The following KLHL29 variants were observed in gnomAD, a reference collection of about 807,000 sequenced individuals.
KLHL29 encodes the protein kelch like family member 29.
Under a neutral mutation model 80.4 loss-of-function variants are expected in KLHL29, and 21 were observed. The ratio of observed to expected loss-of-function variants is 0.26; its 90% confidence interval spans 0.19 to 0.38. The LOEUF (loss-of-function observed/expected upper bound fraction) is 0.38, where lower values mean the gene tolerates loss of function less well. Among genes scored for constraint, KLHL29 ranks in the 10% least tolerant of loss-of-function variants. The pLI is 1.00. For synonymous variants in KLHL29, 511 were observed against 526.8 expected (o/e 0.97, Z 0.41); for missense variants, 867 against 1,223.9 (o/e 0.71, Z 4.35).
chr2:23,461,063 C>T (rs1409072892), intron 1 of KLHL29, among the ~76,000 whole-genome samples: 1 of 152,218 alleles, frequency 6.6e-6, no homozygotes, highest in Admixed American at 6.5e-5. Context: ...GTCCCGGTGG[C>T]TGACAAAATC....
chr2:23,690,684 C>T (rs982123737), intron 6 of KLHL29: 2 of 152,256 alleles, frequency 1.3e-5, no homozygotes, highest in African/African-American at 4.8e-5. Context: ...GGGGCCGCCT[C>T]CGGACTCCTA....
At chr2:23,413,596 C>G (rs1195356024) in intron 1 of KLHL29, among the ~76,000 whole-genome samples, 1 of 152,196 alleles carries the variant, frequency 6.6e-6, no homozygotes, top group Non-Finnish European at 1.5e-5. Context: ...GTCTCCACCC[C>G]TGGGGAGAGA....
intron 2 of KLHL29, among the ~76,000 whole-genome samples, chr2:23,496,524 C>G (rs1665269922): frequency 6.6e-6 from 1 of 152,150 alleles, no homozygotes; most frequent in Non-Finnish European, 1.5e-5. Flanking sequence ...TATGTTTTCC[C>G]CCAAAAAGGG....
At chr2:23,573,055 A>T (rs899021095) in intron 3 of KLHL29, among the ~76,000 whole-genome samples, 1 of 46 alleles carries the variant, frequency 0.022, no homozygotes, top group Admixed American at 0.12. Flanking sequence ...GTGAGCTAGC[A>T]TGAAGCCTCA....
At chr2:23,663,444 C>T (rs925342968) in intron 5 of KLHL29, among the ~76,000 whole-genome samples, 2 of 152,188 alleles carry the variant, frequency 1.3e-5, no homozygotes, top group Admixed American at 1.3e-4. Context: ...TCACGTGTGC[C>T]GGGGAGGGGA....
intron 3 of KLHL29, among the ~76,000 whole-genome samples, chr2:23,577,331 A>T (rs1667868685): frequency 1.3e-5 from 2 of 152,056 alleles, no homozygotes; most frequent in Admixed American, 6.5e-5. Context: ...TGAGTCTTTA[A>T]TCTCAGCTGC....
chr2:23,486,326 G>A (rs2103445280), intron 2 of KLHL29, among the ~76,000 whole-genome samples: 1 of 152,160 alleles, frequency 6.6e-6, no homozygotes, highest in South Asian at 2.1e-4. Context: ...AACCTGGACA[G>A]TGATGAATGG....
chr2:23,668,090 C>T (rs1670604397), intron 5 of KLHL29: 1 of 152,550 alleles, frequency 6.6e-6, no homozygotes, highest in Admixed American at 6.5e-5. Flanking sequence ...CTCCATCGTC[C>T]CGCACCCAGC....
chr2:23,509,561 G>GA (rs141767251), intron 2 of KLHL29, among the ~76,000 whole-genome samples: 5,314 of 149,944 alleles, frequency 0.035, 266 homozygotes, highest in African/African-American at 0.11. Flanking sequence ...CCTTTCAAAT[G>GA]AAAAAAAAAT....
intron 3 of KLHL29, among the ~76,000 whole-genome samples, chr2:23,569,877 C>T (rs949033479): frequency 2.0e-5 from 3 of 152,166 alleles, no homozygotes; most frequent in East Asian, 1.9e-4. Context: ...TTTCATGGTA[C>T]GGCCAGCCAG....
chr2:23,512,638 G>A (rs1665808026), intron 2 of KLHL29, among the ~76,000 whole-genome samples: 1 of 152,216 alleles, frequency 6.6e-6, no homozygotes, highest in African/African-American at 2.4e-5. Context: ...TATCACGGCT[G>A]TTCTCTAAGG....
intron 2 of KLHL29, among the ~76,000 whole-genome samples, chr2:23,521,461 T>A (rs1455926302): frequency 6.6e-6 from 1 of 152,222 alleles, no homozygotes; most frequent in East Asian, 1.9e-4. Context: ...CCTAGTACAG[T>A]GAAGCTGCAG....
At chr2:23,509,138 A>C (rs1298010118) in intron 2 of KLHL29, among the ~76,000 whole-genome samples, 4 of 152,186 alleles carry the variant, frequency 2.6e-5, no homozygotes, top group African/African-American at 9.7e-5. Context: ...TGCTCCAGAT[A>C]TTCTACACAA....
intron 3 of KLHL29, among the ~76,000 whole-genome samples, chr2:23,571,266 G>C (rs1405977855): frequency 6.6e-6 from 1 of 152,256 alleles, no homozygotes; most frequent in Non-Finnish European, 1.5e-5. Flanking sequence ...ATGGAGGTAG[G>C]AATGGGGGCG....
At chr2:23,589,999 C>A (rs1431215949) in intron 3 of KLHL29, among the ~76,000 whole-genome samples, 1 of 152,210 alleles carries the variant, frequency 6.6e-6, no homozygotes. Flanking sequence ...GCCAGCCCTT[C>A]CAAAGGGAGG....
intron 1 of KLHL29, among the ~76,000 whole-genome samples, chr2:23,444,666 C>T (rs901604846): frequency 6.6e-6 from 1 of 152,120 alleles, no homozygotes; most frequent in Non-Finnish European, 1.5e-5. Context: ...ACATGTTTAC[C>T]TGTTTGTGTA....
At position 23,708,460 on chromosome 2, in the gene KLHL29, G is replaced by C. The variant is rs570796765; in HGVS notation, c.*1796G>C. The C allele has an allele frequency of 6.6e-6, 1 of 152,078 alleles. No individual in the cohort carries two copies. Among genetic ancestry groups the C allele is most frequent in the Non-Finnish European group, 1.5e-5 (1 of 68,032 alleles). 9.4% of individuals were successfully genotyped at this position (152,078 alleles called of 1,614,324 possible). Reference sequence around the variant, plus strand: ...CTCAACACAGATGACATTGAAATTCGTTTCTCTCCTCATCTATCACACTGG... The same window carrying C: ...CTCAACACAGATGACATTGAAATTCCTTTCTCTCCTCATCTATCACACTGG... On this transcript the variant is annotated 3_prime_UTR_variant, in exon 14 of 14. Coordinates refer to ENST00000486442, the MANE Select transcript of KLHL29 (RefSeq NM_052920.2).
intron 5 of KLHL29, among the ~76,000 whole-genome samples, chr2:23,644,474 A>G (rs1198977597): frequency 1.3e-5 from 2 of 152,212 alleles, no homozygotes; most frequent in African/African-American, 4.8e-5. Flanking sequence ...GCATCTAGGA[A>G]AAGGAGCTGT....
chr2:23,500,986 C>A (rs1318033890), intron 2 of KLHL29, among the ~76,000 whole-genome samples: 1 of 152,124 alleles, frequency 6.6e-6, no homozygotes, highest in Admixed American at 6.5e-5. Context: ...CATCTCCCGG[C>A]CTGTGTGTGC....
Sources: allele counts gnomAD v4.1 joint callset (sites outside exome capture counted in the v4.1 genomes callset), GRCh38; gene constraint gnomAD v4.1.1; transcripts MANE v1.5; gene names NCBI Gene and HGNC (gene_info 2026-07-23, HGNC 2026-07-21).